Variants in BNIPL observed in about 807,000 individuals in gnomAD.
BNIPL encodes bcl-2/adenovirus E1B 19 kDa-interacting protein 2-like protein.
BNIPL carries 33 observed loss-of-function variants against 47.0 expected under a neutral mutation model. That is an observed-to-expected ratio of 0.70 (90% CI 0.53 to 0.94). The LOEUF is 0.94. BNIPL is among the 40% of genes least tolerant of loss of function. The pLI, the probability that BNIPL is intolerant of heterozygous loss-of-function variation, is 0.00. For synonymous variants in BNIPL, 145 were observed against 162.7 expected, an observed-to-expected ratio of 0.89 and a Z score of 0.83; for missense variants, 404 against 445.2, an observed-to-expected ratio of 0.91 and a Z score of 0.83.
intron 4 of BNIPL, among the ~76,000 whole-genome samples, chr1:151,040,120 A>G (rs1675765265): frequency 6.6e-6 from 1 of 152,178 alleles, no homozygotes. Context: ...AAACAACCTA[A>G]AGATCCAGCA....
chr1:151,040,356 A>G (rs1675774060), intron 4 of BNIPL, among the ~76,000 whole-genome samples: 1 of 149,448 alleles, frequency 6.7e-6, no homozygotes. Flanking sequence ...ATTTTTATAT[A>G]TTTTTGTAGA....
Position 151,036,703 on chromosome 1 carries a change from A to G in BNIPL, c.-23A>G, listed in dbSNP as rs1410380342. ...CCAACAACTCCTAGGTGTTTAAAGA[A>G]GGAGGCAGGAAGACTTGTGAAGATG... On this transcript the variant is annotated 5_prime_UTR_variant, in exon 1 of 10. Transcript: ENST00000368931. 4 of 1,603,518 alleles carry G rather than the reference A, an allele frequency of 2.5e-6. No homozygotes were observed. The Admixed American group carries it at 5.0e-5, about 20-fold the overall frequency.
In BNIPL at chr1:151,037,642, G is replaced by A. The variant is rs370687280; in HGVS notation, c.117G>A (p.Trp39Ter). 3.8e-5 allele frequency: 61 copies of A among 1,601,562 alleles called. No individual in the cohort carries two copies. In the African/African-American group the frequency reaches 6.2e-4, roughly 16 times the overall value. Reference protein sequence around the residue: ...RHGELELKEEWQDEEFPRLLP... With the variant: ...RHGELELKEE ...GGGAGTTGGAGCTGAAGGAGGAATG[G>A]CAGGATGAAGAATTCCCTAGGTGAG... Residue 39 changes from tryptophan to a stop codon, truncating the protein, a stop_gained, in exon 2 of 10, where the codon TGG becomes TGA. Transcript: ENST00000368931. LOFTEE classifies it high-confidence loss of function.
Position 151,038,814 on chromosome 1 carries a change from C to A in BNIPL, c.221C>A (p.Thr74Asn). 2 of 1,602,698 alleles carry A rather than the reference C, an allele frequency of 1.2e-6. No individual in the cohort carries two copies. Among genetic ancestry groups the A allele is most frequent in the Non-Finnish European group, 1.7e-6 (2 of 1,174,084 alleles). The change falls in exon 4 of 10, where the codon ACT (threonine) becomes AAT (asparagine). Residue 74 changes from threonine (T) to asparagine (N), a missense_variant. Coordinates refer to ENST00000368931, the MANE Select transcript of BNIPL (RefSeq NM_138278.4). ...DSQAAAGTPS[T>N]LALCGQRPMR... Reference sequence around the variant, plus strand: ...TCTCCAGCTGCAGGTACCCCCAGCACTTTAGCCCTGTGTGGCCAGCGCCCC... The same window carrying A: ...TCTCCAGCTGCAGGTACCCCCAGCAATTTAGCCCTGTGTGGCCAGCGCCCC...
intron 7 of BNIPL, chr1:151,045,579 A>AAAATG: frequency 1.3e-6 from 1 of 778,436 alleles, no homozygotes; most frequent in Non-Finnish European, 1.8e-6. Flanking sequence ...AAAAAAAAAA[A>AAAATG]TCTTGAGAGT....
At chr1:151,045,578 AATCTTGAGAGTTTTTTT>A in intron 7 of BNIPL, 4 of 793,582 alleles carry the variant, frequency 5.0e-6, no homozygotes, top group Non-Finnish European at 7.2e-6. Context: ...AAAAAAAAAA[AATCTTGAGAGTTTTTTT>A]AAAAATGAGG....
chr1:151,041,440 A>C (rs1398878798), intron 4 of BNIPL, among the ~76,000 whole-genome samples: 1 of 152,126 alleles, frequency 6.6e-6, no homozygotes, highest in East Asian at 1.9e-4. Flanking sequence ...CATGACATGC[A>C]GTTTTCTCAC....
chr1:151,043,072 G>A lies in BNIPL; in HGVS notation c.550G>A (p.Gly184Arg). 6.2e-7 allele frequency: 1 copy of A among 1,611,426 alleles called. No homozygotes were observed. The highest frequency in any genetic ancestry group is 8.5e-7 in the Non-Finnish European group (1 of 1,179,374). Residue 184 changes from glycine (G) to arginine (R), a missense_variant, in exon 5 of 10, where the codon GGA (glycine) becomes AGA (arginine). Gly to Arg is a moderately radical substitution (Grantham distance 125). Coordinates refer to ENST00000368931, the MANE Select transcript of BNIPL (RefSeq NM_138278.4). ...DGHHWRVFRM[G>R]PREQRVDMTV... ...ACATCACTGGAGGGTGTTCCGAATG[G>A]GACCACGGGAGCAGCGCGTAGACAT... is the stretch of plus-strand genomic sequence containing the variant.
intron 7 of BNIPL, among the ~76,000 whole-genome samples, chr1:151,045,374 A>ATCC (rs1675979346): frequency 6.6e-6 from 1 of 150,838 alleles, no homozygotes; most frequent in South Asian, 2.1e-4. Flanking sequence ...GATCGAGACC[A>ATCC]TGGTGAAACC....
At chr1:151,036,956 A>G (rs1018802138) in intron 1 of BNIPL, among the ~76,000 whole-genome samples, 190 bp downstream of exon 1, 2 of 152,184 alleles carry the variant, frequency 1.3e-5, no homozygotes, top group Non-Finnish European at 2.9e-5. Flanking sequence ...ACTGGGGAAC[A>G]GGATTCCAGG....
In BNIPL at chr1:151,040,795, C is replaced by CA. The variant is rs202172688; in HGVS notation, c.433+1787dup. Among the ~76,000 whole-genome samples the CA allele has an allele frequency of 7.0e-3, 850 of 121,992 alleles. 11 individuals are homozygous for CA. Among genetic ancestry groups the CA allele is most frequent in the African/African-American group, 0.025 (761 of 29,876 alleles). 80.0% of individuals were successfully genotyped at this position (121,992 alleles called of 152,430 possible). Reference sequence around the variant, plus strand: ...GGGCGACAAGAGCAAAACTCCATCTCAAAAAAAAAAAAAAAAAAGAAGAAG... The same window carrying CA: ...GGGCGACAAGAGCAAAACTCCATCTCAAAAAAAAAAAAAAAAAAAGAAGAAG... On this transcript the variant is annotated intron_variant, in intron 4 of 9. Transcript: ENST00000368931.
intron 4 of BNIPL, among the ~76,000 whole-genome samples, chr1:151,039,294 G>A (rs771902539): frequency 8.9e-4 from 136 of 152,084 alleles, no homozygotes; most frequent in Non-Finnish European, 1.6e-3. Flanking sequence ...TTATAAAGAT[G>A]AATAAGAGAG....
intron 4 of BNIPL, among the ~76,000 whole-genome samples, chr1:151,040,808 A>G (rs1263423369): frequency 4.6e-5 from 7 of 151,170 alleles, no homozygotes; most frequent in Admixed American, 1.3e-4. Context: ...AAAAAAAAAA[A>G]AAAAAGAAGA....
chr1:151,043,888 T>A (rs587673404), intron 7 of BNIPL, among the ~76,000 whole-genome samples, 161 bp downstream of exon 7: 1 of 152,320 alleles, frequency 6.6e-6, no homozygotes, highest in Non-Finnish European at 1.5e-5. Flanking sequence ...GTCAAGGAAA[T>A]CTAGCTTCAA....
chr1:151,038,385 T>TAA (rs368536121), intron 2 of BNIPL, 119 bp from the exon 3 acceptor site: 9 of 701,610 alleles, frequency 1.3e-5, no homozygotes, highest in African/African-American at 1.9e-5. Context: ...AAAAAACAAT[T>TAA]AAAAAAAAAA....
rs1254131609 is a variant in BNIPL, at chr1:151,043,607, G to A, written c.731G>A (p.Gly244Glu). The A allele has an allele frequency of 1.2e-6, 2 of 1,611,804 alleles. No homozygotes were observed. The highest frequency in any genetic ancestry group is 2.2e-5 in the South Asian group (2 of 91,020). The change falls in exon 7 of 10, where the codon GGA becomes GAA. Residue 244 changes from glycine to glutamate, a missense_variant. By Grantham distance (98) the Gly-to-Glu change is moderately conservative. Coordinates refer to ENST00000368931, the MANE Select transcript of BNIPL (RefSeq NM_138278.4). ...TTTCATCCCCCCAGGTATATGGTGGGAACTCTGGAGCTGCTAGTAGCTGAA... is the reference window on the plus strand; with the variant it reads ...TTTCATCCCCCCAGGTATATGGTGGAAACTCTGGAGCTGCTAGTAGCTGAA... The part of the protein sequence containing the change: ...VMEHLFRYMV[G>E]TLELLVAENY...
intron 8 of BNIPL, 38 bp from the exon 9 acceptor site, chr1:151,046,029 C>A (rs1342329156): frequency 1.2e-6 from 2 of 1,613,694 alleles, no homozygotes; most frequent in Non-Finnish European, 1.7e-6. Context: ...AACCCTTCTC[C>A]CAATACAAAA....
At position 151,046,137 on chromosome 1, in the gene BNIPL, C is replaced by G. The variant is rs1296510088; in HGVS notation, c.1009C>G (p.Gln337Glu). The G allele has an allele frequency of 1.9e-5, 31 of 1,614,018 alleles. No individual in the cohort carries two copies. Among genetic ancestry groups the G allele is most frequent in the Non-Finnish European group, 2.5e-5 (29 of 1,180,036 alleles). The change falls in exon 9 of 10, where the codon CAA becomes GAA. Residue 337 changes from glutamine (Q) to glutamate (E), a missense_variant. By Grantham distance (29) the Gln-to-Glu change is conservative. Transcript: ENST00000368931. ...GCTGGCCCAACTCATATCCCTGGAT[C>G]AAGTCCACATCCCTGAAGCTGTCAG... ...GELAQLISLD[Q>E]VHIPEAVRQL...
intron 4 of BNIPL, among the ~76,000 whole-genome samples, chr1:151,042,271 G>T (rs57467752): frequency 6.6e-6 from 1 of 151,638 alleles, no homozygotes; most frequent in African/African-American, 2.4e-5. Flanking sequence ...TTTGTAATTT[G>T]TAATTTTATT....
Sources: allele counts gnomAD v4.1 joint callset (sites outside exome capture counted in the v4.1 genomes callset), GRCh38; gene constraint gnomAD v4.1.1; transcripts MANE v1.5; gene names NCBI Gene and HGNC (gene_info 2026-07-23, HGNC 2026-07-21).